The following PAM variants were observed in gnomAD, a reference collection of about 807,000 sequenced individuals.
PAM encodes peptidylglycine alpha-amidating monooxygenase.
In PAM, 72 loss-of-function variants were observed where a neutral mutation model predicts 122.1. The observed-to-expected ratio is 0.59, with a 90% confidence interval of 0.49 to 0.72. The LOEUF is 0.72. Ranked by LOEUF, PAM falls within the 30% of genes least tolerant of loss-of-function variation. The pLI, the probability that PAM is intolerant of heterozygous loss-of-function variation, is 0.00. For missense variants in PAM, 1,106 were observed against 1,183.7 expected (o/e 0.93, Z 0.96); for synonymous variants, 389 against 404.4 (o/e 0.96, Z 0.46).
At chr5:102,984,544 A>G (rs1771076260) in intron 15 of PAM, among the ~76,000 whole-genome samples, 1 of 152,220 alleles carries the variant, frequency 6.6e-6, no homozygotes, top group African/African-American at 2.4e-5. Context: ...AGGATATACC[A>G]GTTCTAAATA....
At chr5:102,907,700 A>G (rs1054741806) in intron 4 of PAM, among the ~76,000 whole-genome samples, 1 of 151,816 alleles carries the variant, frequency 6.6e-6, no homozygotes, top group African/African-American at 2.4e-5. Flanking sequence ...TGTGGTTTTG[A>G]TTTGCATTTC....
At chr5:102,999,987 G>C (rs909516420) in intron 16 of PAM, among the ~76,000 whole-genome samples, 1 of 152,160 alleles carries the variant, frequency 6.6e-6, no homozygotes, top group African/African-American at 2.4e-5. Flanking sequence ...TCTGCAGCTG[G>C]CTTGAATATC....
At chr5:102,833,764 A>G (rs1446692891) in intron 1 of PAM, among the ~76,000 whole-genome samples, 1 of 152,148 alleles carries the variant, frequency 6.6e-6, no homozygotes, top group African/African-American at 2.4e-5. Context: ...GTTCCAATAC[A>G]TGGATTCCAG....
chr5:102,769,232 CT>C (rs1469271963), intron 1 of PAM, among the ~76,000 whole-genome samples: 1 of 151,886 alleles, frequency 6.6e-6, no homozygotes, highest in Non-Finnish European at 1.5e-5. Flanking sequence ...GTTGGAGCTC[CT>C]TATGTATTCT....
intron 24 of PAM, among the ~76,000 whole-genome samples, chr5:103,027,587 T>C (rs985828960): frequency 1.3e-5 from 2 of 152,118 alleles, no homozygotes; most frequent in Admixed American, 1.3e-4. Flanking sequence ...AACATTTAGG[T>C]CACCTACTAT....
In PAM at chr5:102,990,357, T is replaced by C. The variant is rs1773663277; in HGVS notation, c.1569T>C (p.Asn523=). The change falls in exon 16 of 26, where the codon AAT becomes AAC. Residue 523 remains asparagine, a synonymous_variant. Coordinates refer to ENST00000438793, the MANE Select transcript of PAM (RefSeq NM_001177306.2). ...CTGGGGTGGCTCTAGACCCTAAGAA[T>C]AACCTGGTGATTTTCCACAGAGGTG... is the stretch of plus-strand genomic sequence containing the variant. ...QVSGVALDPK[N]NLVIFHRGDH... 1 of 1,609,094 alleles carries C rather than the reference T, an allele frequency of 6.2e-7. No individual in the cohort carries two copies. Among genetic ancestry groups the C allele is most frequent in the African/African-American group, 1.3e-5 (1 of 74,828 alleles).
chr5:102,935,769 C>T (rs898926011), intron 7 of PAM, among the ~76,000 whole-genome samples: 1 of 152,156 alleles, frequency 6.6e-6, no homozygotes, highest in Non-Finnish European at 1.5e-5. Flanking sequence ...ACTGAAAGAT[C>T]TTAATAGAAT....
chr5:102,894,540 T>C (rs1321972687), intron 3 of PAM, among the ~76,000 whole-genome samples: 3 of 151,610 alleles, frequency 2.0e-5, no homozygotes, highest in Non-Finnish European at 4.4e-5. Context: ...CTGCCTCCTC[T>C]ACACACATTG....
intron 3 of PAM, among the ~76,000 whole-genome samples, chr5:102,880,475 C>T (rs1790619549): frequency 6.6e-6 from 1 of 152,188 alleles, no homozygotes; most frequent in African/African-American, 2.4e-5. Context: ...TTTTTAAACT[C>T]ATGTCCACTC....
chr5:102,907,420 C>T (rs567858832), intron 4 of PAM, among the ~76,000 whole-genome samples: 1,561 of 151,154 alleles, frequency 0.01, 12 homozygotes, highest in African/African-American at 0.014. Flanking sequence ...TGAATAGTGC[C>T]GCAATAAACA....
intron 1 of PAM, among the ~76,000 whole-genome samples, chr5:102,841,744 T>A (rs1190390915): frequency 6.6e-6 from 1 of 152,152 alleles, no homozygotes; most frequent in Non-Finnish European, 1.5e-5. Flanking sequence ...AAATATAGAT[T>A]CATTAATTTA....
At chr5:102,907,009 ATTTAGT>A in intron 4 of PAM, among the ~76,000 whole-genome samples, 1 of 151,854 alleles carries the variant, frequency 6.6e-6, no homozygotes, top group South Asian at 2.1e-4. Flanking sequence ...TCATCTAGAA[ATTTAGT>A]TTTTGTGTTG....
At chr5:102,970,417 T>C (rs989005556) in intron 14 of PAM, among the ~76,000 whole-genome samples, 1 of 152,166 alleles carries the variant, frequency 6.6e-6, no homozygotes, top group Non-Finnish European at 1.5e-5. Context: ...TGGACAGTGT[T>C]GGAGCTTGTA....
chr5:102,927,390 G>A (rs1749946364), intron 7 of PAM, among the ~76,000 whole-genome samples: 1 of 152,198 alleles, frequency 6.6e-6, no homozygotes, highest in South Asian at 2.1e-4. Context: ...GTTCACAGGT[G>A]TAAATATTAA....
intron 1 of PAM, among the ~76,000 whole-genome samples, chr5:102,789,704 A>G (rs187017919): frequency 9.0e-4 from 137 of 152,184 alleles, no homozygotes; most frequent in Admixed American, 1.7e-3. Context: ...AAGTTCTTGG[A>G]GATGGATGGT....
intron 1 of PAM, among the ~76,000 whole-genome samples, chr5:102,843,009 G>C (rs1237316146): frequency 1.3e-5 from 2 of 152,168 alleles, no homozygotes; most frequent in Admixed American, 1.3e-4. Context: ...TCCTAACATG[G>C]CTCTAAGAAG....
intron 15 of PAM, among the ~76,000 whole-genome samples, chr5:102,985,153 TAAC>T (rs1771350495): frequency 6.6e-6 from 1 of 151,472 alleles, no homozygotes; most frequent in African/African-American, 2.4e-5. Context: ...ATAAGCAACT[TAAC>T]AATGCACTTC....
chr5:102,807,780 T>C (rs1049963812), intron 1 of PAM, among the ~76,000 whole-genome samples: 2 of 152,216 alleles, frequency 1.3e-5, no homozygotes, highest in Admixed American at 1.3e-4. Context: ...AAGCCATATA[T>C]GAATACTTAG....
At chr5:102,765,587 C>T (rs895617577) in intron 1 of PAM, among the ~76,000 whole-genome samples, 1 of 152,152 alleles carries the variant, frequency 6.6e-6, no homozygotes, top group African/African-American at 2.4e-5. Context: ...ATATTAGTTT[C>T]CTGGGGCTGC....
Sources: gnomAD v4.1 joint callset for allele counts (sites outside exome capture counted in the v4.1 genomes callset) on GRCh38, gnomAD v4.1.1 for gene constraint, MANE v1.5 for transcripts, NCBI Gene and HGNC (gene_info 2026-07-23, HGNC 2026-07-21) for gene names.